DYM: variants seen among roughly 807,000 people sequenced by gnomAD.
The protein encoded by DYM is dymeclin.
Under a neutral mutation model 93.1 loss-of-function variants are expected in DYM, and 78 were observed. That is an observed-to-expected ratio of 0.84 (90% confidence interval 0.70 to 1.01). The LOEUF (loss-of-function observed/expected upper bound fraction) is 1.01. Among genes scored for constraint, DYM ranks in the 50% least tolerant of loss-of-function variants. DYM has a pLI of 0.00. For synonymous variants in DYM, 321 were observed against 319.7 expected, an observed-to-expected ratio of 1.00 and a Z score of -0.04; for missense variants, 789 against 845.0, an observed-to-expected ratio of 0.93 and a Z score of 0.82.
chr18:49,131,742 G>A (rs2083396991), intron 15 of DYM, among the ~76,000 whole-genome samples: 1 of 152,136 alleles, frequency 6.6e-6, no homozygotes, highest in South Asian at 2.1e-4. Context: ...ATAGTACCCA[G>A]CTATGCAGTA....
rs2090076274 is a variant in DYM at position 49,183,024 on chromosome 18, C to T, written c.1626-19237G>A. On this transcript the variant is annotated intron_variant, in intron 14 of 17. Transcript: ENST00000675505. ...ATTTTACGTAGAAACTTAAGGAACACTGGAGAAAACCAAAGATTTTTAATG... is the reference window on the plus strand; with the variant it reads ...ATTTTACGTAGAAACTTAAGGAACATTGGAGAAAACCAAAGATTTTTAATG... Among the ~76,000 whole-genome samples the T allele has an allele frequency of 2.0e-5, 3 of 152,188 alleles. No individual in the cohort carries two copies. In the South Asian group the frequency reaches 6.2e-4, roughly 31 times the overall value.
intron 14 of DYM, among the ~76,000 whole-genome samples, chr18:49,197,533 A>G (rs954959836): frequency 6.6e-6 from 1 of 152,112 alleles, no homozygotes; most frequent in Admixed American, 6.6e-5. Flanking sequence ...GTTCTTGAAA[A>G]AAAGAAAAAC....
chr18:49,132,267 T>A (rs780277885), intron 15 of DYM, among the ~76,000 whole-genome samples: 1 of 152,152 alleles, frequency 6.6e-6, no homozygotes, highest in Non-Finnish European at 1.5e-5. Flanking sequence ...AAAATCTAAT[T>A]GCAGAAACAA....
Position 49,212,594 on chromosome 18 carries a change from C to A in DYM, c.1461-2879G>T, listed in dbSNP as rs192651828. ...CTCACTGCAGCCTAAACTACCTAGGCAAGTGATCCTCTTACCTCAGCCTCC... is the reference window on the plus strand; with the variant it reads ...CTCACTGCAGCCTAAACTACCTAGGAAAGTGATCCTCTTACCTCAGCCTCC... On this transcript the variant is annotated intron_variant, in intron 13 of 17. Coordinates refer to ENST00000675505, the MANE Select transcript of DYM (RefSeq NM_001353214.3). Among the ~76,000 whole-genome samples, 838 of 152,114 alleles carry A rather than the reference C, an allele frequency of 5.5e-3. 4 individuals are homozygous for A. The highest frequency in any genetic ancestry group is 8.8e-3 in the Non-Finnish European group (599 of 67,996).
intron 16 of DYM, among the ~76,000 whole-genome samples, chr18:49,113,718 G>A (rs2081642844): frequency 6.6e-6 from 1 of 152,176 alleles, no homozygotes; most frequent in Admixed American, 6.5e-5. Flanking sequence ...GGGATCTTTG[G>A]GGGATAGATG....
intron 16 of DYM, among the ~76,000 whole-genome samples, chr18:49,109,031 T>C (rs1400603501): frequency 1.9e-5 from 2 of 104,180 alleles, no homozygotes; most frequent in East Asian, 5.0e-4. Flanking sequence ...TCCTACCCCT[T>C]TTTTTTTTTA....
At chr18:49,139,729 GGTCT>G (rs939908774) in intron 15 of DYM, among the ~76,000 whole-genome samples, 13 of 152,088 alleles carry the variant, frequency 8.5e-5, no homozygotes, top group African/African-American at 3.1e-4. Context: ...GGAAAATCTG[GGTCT>G]GTGAGTGCTG....
intron 17 of DYM, among the ~76,000 whole-genome samples, chr18:49,065,315 T>C (rs1163841688): frequency 6.6e-6 from 1 of 152,200 alleles, no homozygotes; most frequent in East Asian, 1.9e-4. Context: ...AACAACTTCC[T>C]CTAACTCATA....
chr18:49,273,071 C>T (rs1433130461), intron 10 of DYM, among the ~76,000 whole-genome samples: 1 of 152,038 alleles, frequency 6.6e-6, no homozygotes, highest in Non-Finnish European at 1.5e-5. Flanking sequence ...AAATTGTTTA[C>T]ACATACAAGT....
chr18:49,139,466 C>T (rs888164390), intron 15 of DYM, among the ~76,000 whole-genome samples: 1 of 152,076 alleles, frequency 6.6e-6, no homozygotes, highest in South Asian at 2.1e-4. Context: ...TACTGATATG[C>T]TAAACTGTGA....
chr18:49,332,203 C>T (rs1395230527), intron 7 of DYM, among the ~76,000 whole-genome samples, 197 bp from the exon 8 acceptor site: 3 of 152,200 alleles, frequency 2.0e-5, no homozygotes, highest in South Asian at 2.1e-4. Flanking sequence ...TTAATCCTTG[C>T]TTTTCCTCTT....
chr18:49,214,348 A>G (rs1226508218), intron 13 of DYM, among the ~76,000 whole-genome samples: 2 of 152,168 alleles, frequency 1.3e-5, no homozygotes, highest in African/African-American at 4.8e-5. Flanking sequence ...TGAACTGCAC[A>G]TGCGAGGAAT....
intron 6 of DYM, among the ~76,000 whole-genome samples, chr18:49,346,546 C>T (rs2064613959): frequency 6.6e-6 from 1 of 152,048 alleles, no homozygotes; most frequent in South Asian, 2.1e-4. Context: ...TGAAAATGTT[C>T]TAGAATTAGA....
At chr18:49,335,178 G>T (rs1220804327) in intron 6 of DYM, among the ~76,000 whole-genome samples, 1 of 152,118 alleles carries the variant, frequency 6.6e-6, no homozygotes, top group South Asian at 2.1e-4. Context: ...AAACACAAGA[G>T]ACCCACGCAA....
chr18:49,379,887 T>C (rs2067877824), intron 3 of DYM, 129 bp from the exon 4 acceptor site: 2 of 725,854 alleles, frequency 2.8e-6, no homozygotes. Context: ...GTTAATTTCA[T>C]ACCTAATTAG....
intron 14 of DYM, among the ~76,000 whole-genome samples, chr18:49,187,944 A>G (rs756797814): frequency 3.3e-5 from 5 of 152,212 alleles, no homozygotes; most frequent in Non-Finnish European, 7.3e-5. Context: ...CACGTTATAA[A>G]TCAATAAGGC....
intron 10 of DYM, 34 bp downstream of exon 10, chr18:49,281,962 AT>A: frequency 1.9e-6 from 3 of 1,598,824 alleles, no homozygotes; most frequent in Non-Finnish European, 2.6e-6. Flanking sequence ...TTAAAAAAAA[AT>A]ACAAACGCAT....
chr18:49,172,537 C>T (rs569305906), intron 14 of DYM, among the ~76,000 whole-genome samples: 25 of 152,106 alleles, frequency 1.6e-4, no homozygotes, highest in African/African-American at 5.8e-4. Flanking sequence ...TTTTCTAGTG[C>T]TCATATGTTG....
intron 1 of DYM, among the ~76,000 whole-genome samples, chr18:49,448,666 A>G (rs752440446): frequency 6.6e-6 from 1 of 152,134 alleles, no homozygotes; most frequent in Non-Finnish European, 1.5e-5. Flanking sequence ...GGATGCCCCC[A>G]CTGCTTCCTC....
Sources: gnomAD v4.1 joint callset for allele counts (sites outside exome capture counted in the v4.1 genomes callset) on GRCh38, gnomAD v4.1.1 for gene constraint, MANE v1.5 for transcripts, NCBI Gene and HGNC (gene_info 2026-07-23, HGNC 2026-07-21) for gene names.